Variants in SAMD12 observed in about 807,000 individuals in gnomAD.
SAMD12 encodes sterile alpha motif domain-containing protein 12.
SAMD12 carries 9 observed loss-of-function variants against 15.0 expected under a neutral mutation model. The observed-to-expected ratio is 0.60, with a 90% CI of 0.36 to 1.05. SAMD12 has a LOEUF of 1.05. SAMD12 is among the 50% of genes least tolerant of loss of function. SAMD12 has a pLI of 0.01. For synonymous variants in SAMD12, 86 were observed against 90.1 expected (o/e 0.96, Z 0.25); for missense variants, 230 against 234.2 (o/e 0.98, Z 0.12).
chr8:118,277,702 A>G (rs1414955229), intron 4 of SAMD12, among the ~76,000 whole-genome samples: 1 of 152,198 alleles, frequency 6.6e-6, no homozygotes, highest in Non-Finnish European at 1.5e-5. Flanking sequence ...GTTTTCATAT[A>G]CTGACTTTAT....
chr8:118,567,148 T>C (rs1037406853), intron 2 of SAMD12, among the ~76,000 whole-genome samples: 1 of 152,188 alleles, frequency 6.6e-6, no homozygotes, highest in African/African-American at 2.4e-5. Context: ...GTAGATAGTA[T>C]TATTATTCCT....
intron 2 of SAMD12, among the ~76,000 whole-genome samples, chr8:118,459,420 C>T (rs980959141): frequency 6.6e-6 from 1 of 152,160 alleles, no homozygotes; most frequent in African/African-American, 2.4e-5. Flanking sequence ...ATTTGCAATG[C>T]ATTCTGATTT....
At chr8:118,455,875 T>C (rs1823235188) in intron 2 of SAMD12, among the ~76,000 whole-genome samples, 1 of 152,192 alleles carries the variant, frequency 6.6e-6, no homozygotes, top group Non-Finnish European at 1.5e-5. Context: ...GAAATATCTT[T>C]AGGATGCACA....
intron 3 of SAMD12, among the ~76,000 whole-genome samples, chr8:118,426,336 C>T (rs4876833): frequency 0.54 from 81,704 of 151,928 alleles, 24,379 homozygotes; most frequent in Non-Finnish European, 0.65. Context: ...CATTGAACTC[C>T]GAGCCTCACT....
chr8:118,609,695 T>C (rs1032973229), intron 1 of SAMD12, among the ~76,000 whole-genome samples: 4 of 152,220 alleles, frequency 2.6e-5, no homozygotes, highest in African/African-American at 9.6e-5. Flanking sequence ...ATTATTACAT[T>C]ACTTCAGCTT....
intron 4 of SAMD12, among the ~76,000 whole-genome samples, chr8:118,302,618 G>A (rs751947300): frequency 6.6e-6 from 1 of 152,174 alleles, no homozygotes; most frequent in Non-Finnish European, 1.5e-5. Context: ...GTCCAGTAAC[G>A]TAATTTAGCA....
At chr8:118,472,178 T>C (rs1823817954) in intron 2 of SAMD12, among the ~76,000 whole-genome samples, 1 of 152,142 alleles carries the variant, frequency 6.6e-6, no homozygotes, top group Admixed American at 6.5e-5. Flanking sequence ...CCCCAGCTAT[T>C]CAGGAGGCTG....
At chr8:118,335,882 G>C (rs1012251341) in intron 4 of SAMD12, among the ~76,000 whole-genome samples, 2 of 152,048 alleles carry the variant, frequency 1.3e-5, no homozygotes, top group Non-Finnish European at 2.9e-5. Context: ...GACAACAGGT[G>C]CACACCACTA....
At chr8:118,477,059 GCTTT>G (rs1050284009) in intron 2 of SAMD12, among the ~76,000 whole-genome samples, 19 of 127,522 alleles carry the variant, frequency 1.5e-4, no homozygotes, top group African/African-American at 4.6e-4. Flanking sequence ...TGATTCTGAG[GCTTT>G]CTTTTTCTTT....
At chr8:118,153,227 G>T in the SAMD12 span, among the ~76,000 whole-genome samples, 1 of 152,208 alleles carries the variant, frequency 6.6e-6, no homozygotes, top group East Asian at 1.9e-4. Flanking sequence ...AATTGGCTCT[G>T]CATCTTGAGT....
At chr8:118,550,988 A>T (rs548214676) in intron 2 of SAMD12, among the ~76,000 whole-genome samples, 150 of 151,980 alleles carry the variant, frequency 9.9e-4, no homozygotes, top group Middle Eastern at 3.4e-3. Context: ...ACTATCCTAA[A>T]TATATATGCA....
intron 4 of SAMD12, among the ~76,000 whole-genome samples, chr8:118,290,435 G>A (rs1241301949): frequency 2.0e-5 from 3 of 152,136 alleles, no homozygotes; most frequent in Non-Finnish European, 1.5e-5. Context: ...TAAGTGGGCT[G>A]GAATAAACAA....
At position 118,440,679 on chromosome 8, in the gene SAMD12, CACACACACACACACACAA is replaced by C. The variant is rs1349259170; in HGVS notation, c.193-736_193-719del. On this transcript the variant is annotated intron_variant, in intron 2 of 3. Coordinates refer to ENST00000314727, the MANE Select transcript of SAMD12 (RefSeq NM_207506.3). ...GAAAACACACACACACACACACACA[CACACACACACACACACAA>C]ACACACACACACACACACATATAAA... Among the ~76,000 whole-genome samples, 265 of 149,266 alleles carry C rather than the reference CACACACACACACACACAA, an allele frequency of 1.8e-3. 1 individual carries two copies. Among genetic ancestry groups the C allele is most frequent in the African/African-American group, 5.8e-3 (231 of 39,734 alleles).
intron 4 of SAMD12, among the ~76,000 whole-genome samples, chr8:118,268,149 A>G (rs555503061): frequency 7.9e-5 from 12 of 152,198 alleles, no homozygotes; most frequent in African/African-American, 2.9e-4. Context: ...TCCCTAACCT[A>G]GTTAACTGAT....
chr8:118,608,073 G>C (rs1441229850), intron 1 of SAMD12, among the ~76,000 whole-genome samples: 1 of 151,910 alleles, frequency 6.6e-6, no homozygotes, highest in Non-Finnish European at 1.5e-5. Context: ...TCTCTCTCTT[G>C]CTATAACTAT....
chr8:118,614,775 T>G (rs766577176), intron 1 of SAMD12, among the ~76,000 whole-genome samples: 5 of 152,248 alleles, frequency 3.3e-5, no homozygotes, highest in African/African-American at 4.8e-5. Flanking sequence ...GCTGCTGTCC[T>G]GTCCTGCTCT....
chr8:118,238,742 T>C (rs1259701454), intron 4 of SAMD12, among the ~76,000 whole-genome samples: 1 of 152,176 alleles, frequency 6.6e-6, no homozygotes, highest in Non-Finnish European at 1.5e-5. Context: ...TTGGTTAGTT[T>C]TTACTTTTGT....
At chr8:118,520,796 G>A (rs1477655372) in intron 2 of SAMD12, among the ~76,000 whole-genome samples, 3 of 151,922 alleles carry the variant, frequency 2.0e-5, no homozygotes, top group African/African-American at 7.2e-5. Context: ...TTTTTTCATT[G>A]ATTTAGAAAG....
intron 1 of SAMD12, among the ~76,000 whole-genome samples, chr8:118,596,762 G>T (rs1827734230): frequency 1.3e-5 from 2 of 152,304 alleles, no homozygotes; most frequent in African/African-American, 4.8e-5. Flanking sequence ...AACTTTGCCG[G>T]ACACTGAAGA....
Sources: allele counts gnomAD v4.1 joint callset (sites outside exome capture counted in the v4.1 genomes callset), GRCh38; gene constraint gnomAD v4.1.1; transcripts MANE v1.5; gene names NCBI Gene and HGNC (gene_info 2026-07-23, HGNC 2026-07-21).